Variants in NTM observed in about 807,000 individuals in gnomAD.
NTM encodes the protein neurotrimin.
Under a neutral mutation model 42.1 loss-of-function variants are expected in NTM, and 13 were observed. That is an observed-to-expected ratio of 0.31 (90% CI 0.20 to 0.49). NTM has a LOEUF of 0.49. Among genes scored for constraint, NTM ranks in the 20% least tolerant of loss-of-function variants. The pLI is 0.99. For missense variants in NTM, 373 were observed against 452.8 expected (o/e 0.82, Z 1.60); for synonymous variants, 187 against 179.2 (o/e 1.04, Z -0.35).
intron 1 of NTM, among the ~76,000 whole-genome samples, chr11:131,837,755 C>G (rs966954690): frequency 6.6e-6 from 1 of 151,906 alleles, no homozygotes; most frequent in Non-Finnish European, 1.5e-5. Flanking sequence ...TGCTGCCTGC[C>G]GCGATGCCAG....
intron 1 of NTM, among the ~76,000 whole-genome samples, chr11:131,856,252 T>C (rs1312206939): frequency 6.6e-6 from 1 of 152,166 alleles, no homozygotes; most frequent in African/African-American, 2.4e-5. Flanking sequence ...TCTAAGAGTA[T>C]GGAAATGTCC....
At chr11:132,321,882 T>C (rs1192977539) in intron 7 of NTM, among the ~76,000 whole-genome samples, 1 of 148,918 alleles carries the variant, frequency 6.7e-6, no homozygotes, top group African/African-American at 2.5e-5. Context: ...TTCAACATTC[T>C]TAAAGAAAAG....
At chr11:131,392,269 G>T (rs149146310) in intron 1 of NTM, among the ~76,000 whole-genome samples, 17 of 147,118 alleles carry the variant, frequency 1.2e-4, no homozygotes, top group African/African-American at 3.8e-4. Context: ...GAAGGGATGG[G>T]AGTCCTGTGT....
intron 1 of NTM, among the ~76,000 whole-genome samples, chr11:131,548,456 G>A (rs757495737): frequency 6.6e-6 from 1 of 152,074 alleles, no homozygotes; most frequent in Non-Finnish European, 1.5e-5. Flanking sequence ...TATATTCAGA[G>A]TTCTTTCTTC....
At chr11:131,569,565 T>G (rs1475193784) in intron 1 of NTM, among the ~76,000 whole-genome samples, 3 of 150,236 alleles carry the variant, frequency 2.0e-5, no homozygotes, top group Admixed American at 6.7e-5. Flanking sequence ...TTTTCTTTTT[T>G]TCTTCTCTCT....
chr11:131,549,228 A>C (rs1476471424), intron 1 of NTM, among the ~76,000 whole-genome samples: 2 of 152,166 alleles, frequency 1.3e-5, no homozygotes, highest in Non-Finnish European at 2.9e-5. Flanking sequence ...GGAGGCATAG[A>C]AGCTGAGGCC....
At chr11:131,660,913 C>G in intron 1 of NTM, 1 of 1,295,394 alleles carries the variant, frequency 7.7e-7, no homozygotes. Flanking sequence ...GCTTTCTCTT[C>G]TGTCTCTTTT....
intron 1 of NTM, among the ~76,000 whole-genome samples, chr11:131,781,596 A>T (rs2088146675): frequency 6.6e-6 from 1 of 152,228 alleles, no homozygotes. Flanking sequence ...TAAAATAAAC[A>T]TCAAAAGGCC....
At chr11:132,299,550 G>A (rs2094760745) in intron 4 of NTM, among the ~76,000 whole-genome samples, 1 of 152,166 alleles carries the variant, frequency 6.6e-6, no homozygotes, top group South Asian at 2.1e-4. Context: ...CTGACAAAGA[G>A]GCAATGTCGT....
intron 4 of NTM, among the ~76,000 whole-genome samples, chr11:132,246,325 A>G (rs1372625841): frequency 6.6e-6 from 1 of 152,180 alleles, no homozygotes; most frequent in African/African-American, 2.4e-5. Context: ...TGAAAGTCAA[A>G]CAGTTCGTTC....
chr11:132,188,461 C>T (rs2078783425), intron 3 of NTM, among the ~76,000 whole-genome samples: 1 of 152,146 alleles, frequency 6.6e-6, no homozygotes. Context: ...GGGCACCCTT[C>T]CCAGCTCACA....
chr11:132,218,420 C>A (rs1012730213), intron 4 of NTM, among the ~76,000 whole-genome samples: 1 of 152,154 alleles, frequency 6.6e-6, no homozygotes, highest in Non-Finnish European at 1.5e-5. Context: ...CAAGAAGGGG[C>A]CTCAGTGATT....
intron 1 of NTM, among the ~76,000 whole-genome samples, chr11:131,742,442 C>G (rs1431481201): frequency 6.0e-5 from 9 of 149,120 alleles, no homozygotes; most frequent in African/African-American, 2.2e-4. Context: ...CTTTTTTTTT[C>G]TTTTTGAAAG....
At position 131,443,623 on chromosome 11, in the gene NTM, G is replaced by A. The variant is rs574019794; in HGVS notation, c.82+72735G>A. On this transcript the variant is annotated intron_variant, in intron 1 of 8. Coordinates refer to ENST00000683400, the MANE Select transcript of NTM (RefSeq NM_001352005.2). ...CCATTGACTGATCTCCATGCCCTGT[G>A]TTATTCCCTTTCCTAACTGTGGGCT... 1.5e-3 allele frequency among the ~76,000 whole-genome samples: 223 copies of A among 152,270 alleles called. 1 individual carries two copies. The highest frequency in any genetic ancestry group is 5.3e-3 in the African/African-American group (220 of 41,556).
chr11:131,867,678 A>T (rs1460645346), intron 1 of NTM, among the ~76,000 whole-genome samples: 1 of 151,320 alleles, frequency 6.6e-6, no homozygotes, highest in African/African-American at 2.4e-5. Flanking sequence ...GCATTTCTTC[A>T]TATGTATGTC....
chr11:131,949,626 C>T (rs567724926), intron 2 of NTM, among the ~76,000 whole-genome samples: 1 of 152,256 alleles, frequency 6.6e-6, no homozygotes, highest in Admixed American at 6.5e-5. Context: ...GAGTACTGGC[C>T]CTATACCTAG....
intron 1 of NTM, among the ~76,000 whole-genome samples, chr11:131,593,430 G>C (rs1284835020): frequency 6.6e-6 from 1 of 152,190 alleles, no homozygotes; most frequent in African/African-American, 2.4e-5. Flanking sequence ...ATCGTGTCAG[G>C]CAGGGGACTG....
chr11:131,843,500 G>A (rs1025568239), intron 1 of NTM, among the ~76,000 whole-genome samples: 1 of 152,132 alleles, frequency 6.6e-6, no homozygotes, highest in Non-Finnish European at 1.5e-5. Flanking sequence ...TATTACCACT[G>A]TTTAGCTCTC....
At chr11:131,734,113 A>G (rs789554) in intron 1 of NTM, among the ~76,000 whole-genome samples, 1 of 152,104 alleles carries the variant, frequency 6.6e-6, no homozygotes, top group Non-Finnish European at 1.5e-5. Flanking sequence ...CAGTGGGGCC[A>G]TGCAGGAGGA....
Sources: gnomAD v4.1 joint callset for allele counts (sites outside exome capture counted in the v4.1 genomes callset) on GRCh38, gnomAD v4.1.1 for gene constraint, MANE v1.5 for transcripts, NCBI Gene and HGNC (gene_info 2026-07-23, HGNC 2026-07-21) for gene names.